The following NPAP1 variants were observed in gnomAD, a reference collection of about 807,000 sequenced individuals.
NPAP1 encodes the protein nuclear pore associated protein 1, also known as nuclear pore-associated protein 1.
For missense variants in NPAP1, 1,483 were observed against 1,454.5 expected, an observed-to-expected ratio of 1.02 and a Z score of -0.32; for synonymous variants, 616 against 581.4, an observed-to-expected ratio of 1.06 and a Z score of -0.86.
Position 24,676,734 on chromosome 15 carries a change from C to T in NPAP1, c.867C>T (p.Ser289=), listed in dbSNP as rs776758791. ...TGAATGAAGAGCCACCGCCCAGCTC[C>T]CTAGGCTTGCCGATTCCGCTGATGT... ...EVLNEEPPPS[S]LGLPIPLMSG... The change falls in exon 1 of 1, where the codon TCC becomes TCT. Residue 289 remains serine, a synonymous_variant. Transcript: ENST00000329468. 3 of 1,614,030 alleles carry T rather than the reference C, an allele frequency of 1.9e-6. No individual in the cohort carries two copies. The South Asian group carries it at 3.3e-5, about 18-fold the overall frequency.
Position 24,677,868 on chromosome 15 carries a change from C to G in NPAP1, c.2001C>G (p.Phe667Leu), listed in dbSNP as rs770414039. 1 of 1,612,578 alleles carries G rather than the reference C, an allele frequency of 6.2e-7. No individual in the cohort carries two copies. The highest frequency in any genetic ancestry group is 8.5e-7 in the Non-Finnish European group (1 of 1,179,708). Residue 667 changes from phenylalanine to leucine, a missense_variant, in exon 1 of 1, where the codon TTC becomes TTG. Phe to Leu is a conservative substitution (Grantham distance 22). Transcript: ENST00000329468. ...QKASLPSACV[F>L]LSLPIIPPPD... is the part of the protein sequence containing the mutation. Reference sequence around the variant, plus strand: ...CTTCTCTCCCCAGTGCCTGTGTTTTCCTGAGCCTTCCCATCATTCCTCCTC... The same window carrying G: ...CTTCTCTCCCCAGTGCCTGTGTTTTGCTGAGCCTTCCCATCATTCCTCCTC...
At position 24,676,150 on chromosome 15, in the gene NPAP1, A is replaced by C. The variant is rs768691455; in HGVS notation, c.283A>C (p.Arg95=). The C allele has an allele frequency of 4.4e-6, 7 of 1,575,632 alleles. No homozygotes were observed. Among genetic ancestry groups the C allele is most frequent in the Non-Finnish European group, 6.0e-6 (7 of 1,163,130 alleles). ...LPAVGWGLAI[R]KTPMLPARNP... The stretch of plus-strand genomic sequence containing the variant: ...GGCTGTGGGTTGGGGGCTGGCCATC[A>C]GGAAGACACCCATGCTGCCTGCTCG... Residue 95 remains arginine, a synonymous_variant, in exon 1 of 1, where the codon AGG becomes CGG. Coordinates refer to ENST00000329468, the MANE Select transcript of NPAP1 (RefSeq NM_018958.3).
In NPAP1 at chr15:24,676,877, C is replaced by A. The variant is rs1195117251; in HGVS notation, c.1010C>A (p.Pro337Gln). The change falls in exon 1 of 1, where the codon CCG becomes CAG. Residue 337 changes from proline to glutamine, a missense_variant. Coordinates refer to ENST00000329468, the MANE Select transcript of NPAP1 (RefSeq NM_018958.3). ...AAAATGTCGATTCCATTGCTGCTGC[C>A]GCTGCCCCCTTCACTGCCATTGCTG... ...KRKMSIPLLL[P>Q]LPPSLPLLWD... 1 of 1,613,292 alleles carries A rather than the reference C, an allele frequency of 6.2e-7. No individual in the cohort carries two copies.
Position 24,679,177 on chromosome 15 carries a change from G to A in NPAP1, c.3310G>A (p.Gly1104Arg), listed in dbSNP as rs760860748. 1.2e-6 allele frequency: 2 copies of A among 1,614,226 alleles called. No individual in the cohort carries two copies. Among genetic ancestry groups the A allele is most frequent in the South Asian group, 1.1e-5 (1 of 91,082 alleles). The change falls in exon 1 of 1, where the codon GGG becomes AGG. Residue 1104 changes from glycine to arginine, a missense_variant. By Grantham distance (125) the Gly-to-Arg change is moderately radical. Transcript: ENST00000329468. Reference sequence around the variant, plus strand: ...CCAGAATTCATGCAGTGGTATGGGAGGGGATGGCACCAGATCCATAGTTGG... The same window carrying A: ...CCAGAATTCATGCAGTGGTATGGGAAGGGATGGCACCAGATCCATAGTTGG... ...PTQNSCSGMG[G>R]DGTRSIVGGP...
Position 24,682,698 on chromosome 15 carries a change from A to G in NPAP1, c.*3360A>G, listed in dbSNP as rs2049025086. 3 of 166,970 alleles carry G rather than the reference A, an allele frequency of 1.8e-5. No homozygotes were observed. The South Asian group carries it at 6.2e-4, about 35-fold the overall frequency. The allele number at this position is 166,970 out of a possible 1,614,324, so 10.3% of individuals were successfully genotyped here. Reference sequence around the variant, plus strand: ...TCTTACAGATGTCATTGTTTTTCCTAAAACTTGAAGTGCCTTCCTTTTTTT... The same window carrying G: ...TCTTACAGATGTCATTGTTTTTCCTGAAACTTGAAGTGCCTTCCTTTTTTT... On this transcript the variant is annotated 3_prime_UTR_variant, in exon 1 of 1. Transcript: ENST00000329468.
In NPAP1 at chr15:24,678,453, C is replaced by T. The variant is rs370131918; in HGVS notation, c.2586C>T (p.His862=). 5.0e-6 allele frequency: 8 copies of T among 1,614,086 alleles called. No individual in the cohort carries two copies. The African/African-American group carries it at 6.7e-5, about 13-fold the overall frequency. The change falls in exon 1 of 1, where the codon CAC becomes CAT. Residue 862 remains histidine (H), a synonymous_variant. Coordinates refer to ENST00000329468, the MANE Select transcript of NPAP1 (RefSeq NM_018958.3). ...MGLPGSGNTL[H]SDSIASAQVS... The stretch of plus-strand genomic sequence containing the variant: ...TTCCTGGTTCTGGGAACACACTACA[C>T]AGTGACAGCATTGCCTCAGCCCAAG...
At position 24,678,169 on chromosome 15, in the gene NPAP1, G is replaced by A. The variant is rs199800755; in HGVS notation, c.2302G>A (p.Ala768Thr). The stretch of plus-strand genomic sequence containing the variant: ...TTCCAACCATCCTTTAAATCCAGGA[G>A]CCACCCCTCAACCCAAATTTGGGGC... ...TASNHPLNPGATPQPKFGAPD... is the reference protein window; with the variant it reads ...TASNHPLNPGTTPQPKFGAPD... The change falls in exon 1 of 1, where the codon GCC becomes ACC. Residue 768 changes from alanine (A) to threonine (T), a missense_variant. Coordinates refer to ENST00000329468, the MANE Select transcript of NPAP1 (RefSeq NM_018958.3). 1.1e-5 allele frequency: 17 copies of A among 1,612,332 alleles called. No individual in the cohort carries two copies. In the East Asian group the frequency reaches 3.6e-4, roughly 34 times the overall value.
Position 24,682,626 on chromosome 15 carries a change from C to T in NPAP1, c.*3288C>T, listed in dbSNP as rs11636117. ...AGATAGTGTTTAGCTACTTTGATGT[C>T]ACTCCCATAGTTCTGAGTTTGCTTT... On this transcript the variant is annotated 3_prime_UTR_variant, in exon 1 of 1. Coordinates refer to ENST00000329468, the MANE Select transcript of NPAP1 (RefSeq NM_018958.3). 8,220 of 167,120 alleles carry T rather than the reference C, an allele frequency of 0.049. 267 individuals are homozygous for T. The highest frequency in any genetic ancestry group is 0.1 in the African/African-American group (4,289 of 41,548). 10.4% of individuals were successfully genotyped at this position (167,120 alleles called of 1,614,324 possible).
rs752361987 is a variant in NPAP1 at position 24,679,410 on chromosome 15, G to T, written c.*72G>T. On this transcript the variant is annotated 3_prime_UTR_variant, in exon 1 of 1. Coordinates refer to ENST00000329468, the MANE Select transcript of NPAP1 (RefSeq NM_018958.3). ...AATACCAGCATTATCCTTTTGTATGGTCATGCTTCTAGTTTCATCTTCATG... is the reference window on the plus strand; with the variant it reads ...AATACCAGCATTATCCTTTTGTATGTTCATGCTTCTAGTTTCATCTTCATG... The T allele has an allele frequency of 6.1e-6, 7 of 1,142,548 alleles. No individual in the cohort carries two copies. Among genetic ancestry groups the T allele is most frequent in the Non-Finnish European group, 9.0e-6 (7 of 778,930 alleles). The allele number at this position is 1,142,548 out of a possible 1,614,324, so 70.8% of individuals were successfully genotyped here.
Position 24,679,799 on chromosome 15 carries a change from T to C in NPAP1, c.*461T>C. On this transcript the variant is annotated 3_prime_UTR_variant, in exon 1 of 1. Transcript: ENST00000329468. ...ACAACGGCTGTGACTGGTTGTACTT[T>C]TGGTCCCCCATTTACACAAAGCACC... 5.5e-6 allele frequency: 1 copy of C among 182,086 alleles called. No individual in the cohort carries two copies. The allele number at this position is 182,086 out of a possible 1,614,324, so 11.3% of individuals were successfully genotyped here.
In NPAP1 at chr15:24,675,916, C is replaced by T. The variant is rs2141306884; in HGVS notation, c.49C>T (p.Leu17=). The part of the protein sequence containing the change: ...KFRPGCRRRP[L]PGPGRGAPAP... ...TAGACCCGGGTGCCGCCGCCGGCCCCTGCCAGGGCCAGGGCGTGGCGCCCC... is the reference window on the plus strand; with the variant it reads ...TAGACCCGGGTGCCGCCGCCGGCCCTTGCCAGGGCCAGGGCGTGGCGCCCC... Residue 17 remains leucine (L), a synonymous_variant, in exon 1 of 1, where the codon CTG becomes TTG. Coordinates refer to ENST00000329468, the MANE Select transcript of NPAP1 (RefSeq NM_018958.3). The T allele has an allele frequency of 6.3e-7, 1 of 1,584,998 alleles. No homozygotes were observed. The highest frequency in any genetic ancestry group is 1.8e-5 in the Admixed American group (1 of 55,662).
rs2049017084 is a variant in NPAP1 at position 24,681,600 on chromosome 15, A to T, written c.*2262A>T. ...AGTGCTTTCTCTAATTGCCATGTGAAGGTATACCAACAAGGTAACAGTCTG... is the reference window on the plus strand; with the variant it reads ...AGTGCTTTCTCTAATTGCCATGTGATGGTATACCAACAAGGTAACAGTCTG... On this transcript the variant is annotated 3_prime_UTR_variant, in exon 1 of 1. Transcript: ENST00000329468. 1 of 167,082 alleles carries T rather than the reference A, an allele frequency of 6.0e-6. No homozygotes were observed. The highest frequency in any genetic ancestry group is 6.5e-5 in the Admixed American group (1 of 15,290). The allele number at this position is 167,082 out of a possible 1,614,324, so 10.3% of individuals were successfully genotyped here. A position where few individuals can be genotyped will look rare whatever the true frequency, so the allele number is the denominator to read the frequency against.
chr15:24,675,828 G>T lies in NPAP1; in HGVS notation c.-40G>T, dbSNP rs998859820. The T allele has an allele frequency of 2.1e-6, 3 of 1,397,198 alleles. No individual in the cohort carries two copies. The highest frequency in any genetic ancestry group is 2.1e-4 in the Middle Eastern group (1 of 4,684). The allele number at this position is 1,397,198 out of a possible 1,614,324, so 86.6% of individuals were successfully genotyped here. On this transcript the variant is annotated 5_prime_UTR_variant, in exon 1 of 1. Transcript: ENST00000329468. ...GTGGCTGAGGAGAGTTGAGTCCACT[G>T]CTGACCCTGTTTTACGGTAGGAGGC... is the stretch of plus-strand genomic sequence containing the variant.
At position 24,679,208 on chromosome 15, in the gene NPAP1, C is replaced by T. The variant is rs200508480; in HGVS notation, c.3341C>T (p.Pro1114Leu). 1.1e-4 allele frequency: 176 copies of T among 1,614,164 alleles called. 1 individual carries two copies. The highest frequency in any genetic ancestry group is 1.5e-4 in the South Asian group (14 of 91,078). Residue 1114 changes from proline to leucine, a missense_variant, in exon 1 of 1, where the codon CCT becomes CTT. Physicochemically the swap from Pro to Leu is moderately conservative, Grantham distance 98 (BLOSUM62 -3). Coordinates refer to ENST00000329468, the MANE Select transcript of NPAP1 (RefSeq NM_018958.3). The part of the protein sequence containing the change: ...GDGTRSIVGG[P>L]CVPAFQQCIL... ...GGCACCAGATCCATAGTTGGAGGCC[C>T]TTGTGTTCCTGCTTTTCAACAGTGC...
Position 24,679,407 on chromosome 15 carries a change from A to G in NPAP1, c.*69A>G, listed in dbSNP as rs2049002673. ...GTAAATACCAGCATTATCCTTTTGTATGGTCATGCTTCTAGTTTCATCTTC... is the reference window on the plus strand; with the variant it reads ...GTAAATACCAGCATTATCCTTTTGTGTGGTCATGCTTCTAGTTTCATCTTC... On this transcript the variant is annotated 3_prime_UTR_variant, in exon 1 of 1. Transcript: ENST00000329468. 3.4e-6 allele frequency: 4 copies of G among 1,165,172 alleles called. No individual in the cohort carries two copies. The highest frequency in any genetic ancestry group is 1.9e-5 in the Admixed American group (1 of 52,890). 72.2% of individuals were successfully genotyped at this position (1,165,172 alleles called of 1,614,324 possible).
In NPAP1 at chr15:24,675,786, G is replaced by A; in HGVS notation, c.-82G>A. On this transcript the variant is annotated 5_prime_UTR_variant, in exon 1 of 1. Coordinates refer to ENST00000329468, the MANE Select transcript of NPAP1 (RefSeq NM_018958.3). ...GCGTAGAGCCAGTCAGTTTGTGCTT[G>A]GTCGCCAGAGGAGGCGGTGGCTGAG... The A allele has an allele frequency of 9.8e-7, 1 of 1,019,162 alleles. No individual in the cohort carries two copies. 63.1% of individuals were successfully genotyped at this position (1,019,162 alleles called of 1,614,324 possible).
rs565204684 is a variant in NPAP1, at chr15:24,682,476, A to T, written c.*3138A>T. On this transcript the variant is annotated 3_prime_UTR_variant, in exon 1 of 1. Coordinates refer to ENST00000329468, the MANE Select transcript of NPAP1 (RefSeq NM_018958.3). ...AGATAATTTTTGTTTTCATGTTTTGATGCACTTACACAACTGAAACTATTT... is the reference window on the plus strand; with the variant it reads ...AGATAATTTTTGTTTTCATGTTTTGTTGCACTTACACAACTGAAACTATTT... The T allele has an allele frequency of 3.6e-5, 6 of 167,050 alleles. No individual in the cohort carries two copies. The East Asian group carries it at 5.8e-4, about 16-fold the overall frequency. 10.3% of individuals were successfully genotyped at this position (167,050 alleles called of 1,614,324 possible).
At position 24,682,276 on chromosome 15, in the gene NPAP1, T is replaced by G. The variant is rs1285457569; in HGVS notation, c.*2938T>G. The G allele has an allele frequency of 6.0e-6, 1 of 167,058 alleles. No homozygotes were observed. Among genetic ancestry groups the G allele is most frequent in the Non-Finnish European group, 1.5e-5 (1 of 68,110 alleles). 10.3% of individuals were successfully genotyped at this position (167,058 alleles called of 1,614,324 possible). A position where few individuals can be genotyped will look rare whatever the true frequency, so the allele number is the denominator to read the frequency against. On this transcript the variant is annotated 3_prime_UTR_variant, in exon 1 of 1. Transcript: ENST00000329468. ...ATCACCTAACTTTTGTAATCAGAAC[T>G]GCCTTTCAGAAGTAGAGTGGAAATC...
rs148389942 is a variant in NPAP1, at chr15:24,677,398, G to A, written c.1531G>A (p.Val511Ile). The change falls in exon 1 of 1, where the codon GTC (valine) becomes ATC (isoleucine). Residue 511 changes from valine (V) to isoleucine (I), a missense_variant. Physicochemically the swap from Val to Ile is conservative, Grantham distance 29 (BLOSUM62 3). Coordinates refer to ENST00000329468, the MANE Select transcript of NPAP1 (RefSeq NM_018958.3). Reference sequence around the variant, plus strand: ...CTCCACACCCTCCTTCAAGCCTCCCGTCACAAGGGAGTCCCCAATATCTAT... The same window carrying A: ...CTCCACACCCTCCTTCAAGCCTCCCATCACAAGGGAGTCCCCAATATCTAT... Reference protein sequence around the residue: ...PSSTPSFKPPVTRESPISMCV... With the variant: ...PSSTPSFKPPITRESPISMCV... 42 of 1,613,966 alleles carry A rather than the reference G, an allele frequency of 2.6e-5. No homozygotes were observed. The East Asian group carries it at 2.7e-4, about 10-fold the overall frequency.
Sources: allele counts gnomAD v4.1 joint callset, GRCh38; gene constraint gnomAD v4.1.1; transcripts MANE v1.5; gene names NCBI Gene and HGNC (gene_info 2026-07-23, HGNC 2026-07-21).